FANCA: variants seen among roughly 807,000 people sequenced by gnomAD.
FANCA encodes FA complementation group A, also known as Fanconi anemia group A protein.
A neutral mutation model predicts 194.3 loss-of-function variants in FANCA; 236 were observed. The ratio of observed to expected loss-of-function variants is 1.21; its 90% CI spans 1.09 to 1.35. The LOEUF is 1.35. Ranked by LOEUF, FANCA falls within the 40% of genes most tolerant of loss-of-function variation. The pLI is 0.00. For missense variants in FANCA, 2,628 were observed against 1,813.9 expected (o/e 1.45, Z -8.15); for synonymous variants, 1,014 against 715.8 (o/e 1.42, Z -6.65).
chr16:89,769,929 A>C lies in FANCA; in HGVS notation c.2412T>G (p.Gly804=). The part of the protein sequence containing the change: ...SRSALPEVDV[G]PPAPGAGLPV... ...GAAGGCCAGCACCAGGTGCAGGAGG[A>C]CCCACATCCACCTCTGGGAGCGCAG... is the stretch of plus-strand genomic sequence containing the variant. Residue 804 remains glycine, a synonymous_variant, in exon 26 of 43, where the codon GGT becomes GGG. Transcript: ENST00000389301. 1 of 1,614,002 alleles carries C rather than the reference A, an allele frequency of 6.2e-7. No homozygotes were observed. The highest frequency in any genetic ancestry group is 8.5e-7 in the Non-Finnish European group (1 of 1,179,966).
Position 89,785,007 on chromosome 16 carries a change from G to A in FANCA, c.1360-43C>T, listed in dbSNP as rs201324769. On this transcript the variant is annotated intron_variant, in intron 14 of 42. Transcript: ENST00000389301. ...CGTGAAGCCCAGGACAGCCAGGCGC[G>A]GCTGCACCACCTAGGCAGTGTCCTG... 42 of 1,420,834 alleles carry A rather than the reference G, an allele frequency of 3.0e-5. No individual in the cohort carries two copies. In the African/African-American group the frequency reaches 3.3e-4, roughly 11 times the overall value. 88.0% of individuals were successfully genotyped at this position (1,420,834 alleles called of 1,614,324 possible).
rs2038968872 is a variant in FANCA, at chr16:89,761,995, C to T, written c.2806G>A (p.Glu936Lys). The T allele has an allele frequency of 6.2e-7, 1 of 1,613,960 alleles. No individual in the cohort carries two copies. Among genetic ancestry groups the T allele is most frequent in the Non-Finnish European group, 8.5e-7 (1 of 1,179,904 alleles). Residue 936 changes from glutamate (E) to lysine (K), a missense_variant, in exon 29 of 43, where the codon GAG becomes AAG. Transcript: ENST00000389301. ...TCAGCTTCAGGTTGAATTTCCAGCT[C>T]CAGGTGTAACCAGTCTTGGTAAGTT... is the stretch of plus-strand genomic sequence containing the variant. The part of the protein sequence containing the change: ...HLTYQDWLHL[E>K]LEIQPEADAL...
intron 30 of FANCA, among the ~76,000 whole-genome samples, chr16:89,755,620 G>A (rs1416645330): frequency 6.6e-6 from 1 of 152,116 alleles, no homozygotes; most frequent in Non-Finnish European, 1.5e-5. Context: ...ATACTATCAA[G>A]AGAGTGAAAA....
chr16:89,791,827 G>C (rs1164362446), intron 13 of FANCA, 100 bp downstream of exon 13: 3 of 1,479,412 alleles, frequency 2.0e-6, no homozygotes. Flanking sequence ...AGGTAGGGAA[G>C]GGCTTCACTG....
At chr16:89,776,350 G>A (rs1384614639) in intron 20 of FANCA, among the ~76,000 whole-genome samples, 2 of 150,910 alleles carry the variant, frequency 1.3e-5, no homozygotes, top group African/African-American at 4.9e-5. Flanking sequence ...TGTATTTTTA[G>A]TAGAGACGGA....
chr16:89,767,916 C>T (rs2039187790), intron 26 of FANCA, among the ~76,000 whole-genome samples: 1 of 152,072 alleles, frequency 6.6e-6, no homozygotes, highest in Admixed American at 6.6e-5. Context: ...GAACTGCTGA[C>T]CTCAAGTGAT....
At chr16:89,800,996 G>C (rs1302834005) in intron 8 of FANCA, among the ~76,000 whole-genome samples, 21 of 144,614 alleles carry the variant, frequency 1.5e-4, no homozygotes, top group Admixed American at 1.3e-3. Flanking sequence ...TGGCACCACT[G>C]CACTCCAGCC....
In FANCA at chr16:89,791,929, T is replaced by C; in HGVS notation, c.1223A>G (p.Glu408Gly). Residue 408 changes from glutamate to glycine, a missense_variant and splice_region_variant, in exon 13 of 43, where the codon GAA (glutamate) becomes GGA (glycine). By Grantham distance (98) the Glu-to-Gly change is moderately conservative (BLOSUM62 -2). Transcript: ENST00000389301. ...ACCGGGCTCGCGTAAAAGCTCACCT[T>C]CAAGCAGCTGCTGCGCTTCTGGAAA... ...VCFPEAQQLL[E>G]DWVARLMAQA... is the part of the protein sequence containing the mutation. The C allele has an allele frequency of 6.2e-7, 1 of 1,614,096 alleles. No individual in the cohort carries two copies. The highest frequency in any genetic ancestry group is 1.1e-5 in the South Asian group (1 of 91,080).
Position 89,783,028 on chromosome 16 carries a change from C to T in FANCA, c.1545G>A (p.Lys515=). 6.2e-7 allele frequency: 1 copy of T among 1,614,076 alleles called. No individual in the cohort carries two copies. The highest frequency in any genetic ancestry group is 8.5e-7 in the Non-Finnish European group (1 of 1,179,968). Residue 515 remains lysine (K), a synonymous_variant, in exon 16 of 43, where the codon AAG becomes AAA. Transcript: ENST00000389301. ...SLLTDYISLA[K]TRLADLKVSI... ...TTGCCTTGAGGTCGGCCAGCCGTGT[C>T]TTGGCCAATGAGATGTAGTCTGTGA... is the stretch of plus-strand genomic sequence containing the variant.
intron 36 of FANCA, 183 bp downstream of exon 36, chr16:89,744,776 C>T: frequency 1.5e-6 from 1 of 656,868 alleles, no homozygotes; most frequent in South Asian, 1.7e-5. Context: ...CCTGCCTCGG[C>T]CTCCCCAGTA....
Position 89,773,368 on chromosome 16 carries a change from C to G in FANCA, c.1917G>C (p.Val639=), listed in dbSNP as rs1381939202. The G allele has an allele frequency of 1.9e-6, 3 of 1,550,862 alleles. No homozygotes were observed. Among genetic ancestry groups the G allele is most frequent in the African/African-American group, 2.7e-5 (2 of 73,006 alleles). The change falls in exon 22 of 43, where the codon GTG becomes GTC. Residue 639 remains valine, a synonymous_variant. Transcript: ENST00000389301. ...CCTCAGCAGAGTTGGGTTCTGCCCT[C>G]ACTCCCAGGGCTGCATCTGTGAGAA... ...EEKPEDAALG[V]RAEPNSAEEP...
intron 14 of FANCA, among the ~76,000 whole-genome samples, chr16:89,790,521 G>A (rs2040034544): frequency 6.6e-6 from 1 of 151,984 alleles, no homozygotes; most frequent in Non-Finnish European, 1.5e-5. Context: ...ATGAGGTCAG[G>A]AGTTAGAGAC....
chr16:89,791,329 G>A, intron 14 of FANCA, 74 bp downstream of exon 14: 1 of 1,569,692 alleles, frequency 6.4e-7, no homozygotes, highest in South Asian at 1.2e-5. Context: ...GAATCAGGTG[G>A]GGACAGCATG....
chr16:89,796,480 C>T (rs2040252314), intron 10 of FANCA, among the ~76,000 whole-genome samples: 1 of 152,114 alleles, frequency 6.6e-6, no homozygotes, highest in Non-Finnish European at 1.5e-5. Flanking sequence ...GGGACTGAGG[C>T]CAGCTCTGTC....
chr16:89,780,333 T>A (rs2039657392), intron 17 of FANCA, among the ~76,000 whole-genome samples: 1 of 151,892 alleles, frequency 6.6e-6, no homozygotes, highest in South Asian at 2.1e-4. Context: ...TTAAAAGAAA[T>A]TACGAGGGCT....
chr16:89,815,931 T>C lies in FANCA; in HGVS notation c.135A>G (p.Glu45=), dbSNP rs141820040. Residue 45 remains glutamate (E), a synonymous_variant, in exon 2 of 43, where the codon GAA becomes GAG. Coordinates refer to ENST00000389301, the MANE Select transcript of FANCA (RefSeq NM_000135.4). ...GGCTTCGCAGGAGGCGCACAGCTGATTCCTTTAATTTCTGTGCCCTTTCAG... is the reference window on the plus strand; with the variant it reads ...GGCTTCGCAGGAGGCGCACAGCTGACTCCTTTAATTTCTGTGCCCTTTCAG... The part of the protein sequence containing the change: ...YNPERAQKLK[E]SAVRLLRSHQ... 5.8e-5 allele frequency: 93 copies of C among 1,614,036 alleles called. No homozygotes were observed. The highest frequency in any genetic ancestry group is 7.5e-5 in the Non-Finnish European group (88 of 1,179,994).
chr16:89,814,790 AATT>A (rs1247599470), intron 2 of FANCA, among the ~76,000 whole-genome samples, 177 bp from the exon 3 acceptor site: 2 of 151,886 alleles, frequency 1.3e-5, no homozygotes, highest in East Asian at 3.9e-4. Flanking sequence ...AAAATACAAA[AATT>A]AGGAGGGCAT....
chr16:89,756,117 G>A (rs2038760042), intron 30 of FANCA, among the ~76,000 whole-genome samples: 1 of 152,184 alleles, frequency 6.6e-6, no homozygotes, highest in Non-Finnish European at 1.5e-5. Context: ...GGCTATGTGG[G>A]ATTACTGTCA....
rs527882851 is a variant in FANCA at position 89,758,582 on chromosome 16, G to C, written c.2976C>G (p.His992Gln). Residue 992 changes from histidine (H) to glutamine (Q), a missense_variant, in exon 30 of 43, where the codon CAC (histidine) becomes CAG (glutamine). Transcript: ENST00000389301. Reference sequence around the variant, plus strand: ...ATACAGTGTGTGCTGCTAACCTTTGGTGGAAATCCATCAGTGCGTTGACAA... The same window carrying C: ...ATACAGTGTGTGCTGCTAACCTTTGCTGGAAATCCATCAGTGCGTTGACAA... ...TILVNALMDF[H>Q]QSSRSYDHSE... 2 of 1,613,584 alleles carry C rather than the reference G, an allele frequency of 1.2e-6. No homozygotes were observed. The highest frequency in any genetic ancestry group is 1.7e-6 in the Non-Finnish European group (2 of 1,179,630).
Sources: gnomAD v4.1 joint callset for allele counts (sites outside exome capture counted in the v4.1 genomes callset) on GRCh38, gnomAD v4.1.1 for gene constraint, MANE v1.5 for transcripts, NCBI Gene and HGNC (gene_info 2026-07-23, HGNC 2026-07-21) for gene names.